LDHA: variants seen among roughly 807,000 people sequenced by gnomAD.
The protein encoded by LDHA is lactate dehydrogenase A.
LDHA carries 10 observed loss-of-function variants against 36.3 expected under a neutral mutation model. The observed-to-expected ratio is 0.28, with a 90% CI of 0.17 to 0.47. LDHA has a LOEUF of 0.47. Ranked by LOEUF, LDHA falls within the 20% of genes least tolerant of loss-of-function variation. LDHA has a pLI of 0.99. For synonymous variants in LDHA, 110 were observed against 136.7 expected, an observed-to-expected ratio of 0.80 and a Z score of 1.36; for missense variants, 267 against 405.8, an observed-to-expected ratio of 0.66 and a Z score of 2.94.
chr11:18,405,836 A>G, intron 7 of LDHA: 1 of 339,608 alleles, frequency 2.9e-6, no homozygotes, highest in South Asian at 2.7e-5. Context: ...ACTATAAAAG[A>G]AATAAACTAT....
rs978562708 is a variant in LDHA, at chr11:18,402,783, CTT to C, written c.419-52_419-51del. ...AGTGTTTTCTTCATAGTAGGTATAT[CTT>C]TTTTGTGTGTAGGGAGAGGATAATG... On this transcript the variant is annotated intron_variant, in intron 4 of 7. Transcript: ENST00000422447. The C allele has an allele frequency of 3.7e-6, 5 of 1,350,614 alleles. No homozygotes were observed. The African/African-American group carries it at 7.1e-5, about 19-fold the overall frequency. 83.7% of individuals were successfully genotyped at this position (1,350,614 alleles called of 1,614,324 possible). A position where few individuals can be genotyped will look rare whatever the true frequency, so the allele number is the denominator to read the frequency against.
intron 1 of LDHA, chr11:18,394,859 CT>C: frequency 2.8e-6 from 1 of 353,920 alleles, no homozygotes; most frequent in South Asian, 2.1e-5. Context: ...GGAACCATGG[CT>C]TCTGGCCACG....
chr11:18,395,056 G>A (rs1258519728), intron 1 of LDHA: 1 of 201,476 alleles, frequency 5.0e-6, no homozygotes, highest in Non-Finnish European at 1.0e-5. Flanking sequence ...GTCCGGGGCG[G>A]GTTCTTGAAA....
At chr11:18,405,060 A>G (rs1866635644) in intron 6 of LDHA, among the ~76,000 whole-genome samples, 1 of 152,164 alleles carries the variant, frequency 6.6e-6, no homozygotes, top group African/African-American at 2.4e-5. Context: ...ACTTGAGATA[A>G]TCCTGAGTTA....
intron 3 of LDHA, chr11:18,400,260 C>T: frequency 4.9e-6 from 1 of 202,716 alleles, no homozygotes. Flanking sequence ...TGAATGTGAG[C>T]CCAAATAGTG....
intron 1 of LDHA, 114 bp from the exon 2 acceptor site, chr11:18,396,705 C>T (rs1252267120): frequency 1.5e-6 from 2 of 1,369,208 alleles, no homozygotes. Flanking sequence ...TTAGTCATCT[C>T]TAGTGATTTA....
rs751461543 is a variant in LDHA, at chr11:18,402,814, G to A, written c.419-26G>A. 5.0e-6 allele frequency: 8 copies of A among 1,587,124 alleles called. No individual in the cohort carries two copies. The Admixed American group carries it at 1.3e-4, about 26-fold the overall frequency. On this transcript the variant is annotated intron_variant, in intron 4 of 7. Transcript: ENST00000422447. ...TGTGTGTAGGGAGAGGATAATGGGT[G>A]ATTTTTATTTTCTCCTTTTTCATAG...
At position 18,403,719 on chromosome 11, in the gene LDHA, T is replaced by C. The variant is rs1238086128; in HGVS notation, c.618T>C (p.Val206=). ...SSVPVWSGMN[V]AGVSLKTLHP... is the part of the protein sequence containing the mutation. ...TGCCTGTATGGAGTGGAATGAATGT[T>C]GCTGGTGTCTCTCTGAAGACTCTGC... The change falls in exon 6 of 8, where the codon GTT becomes GTC. Residue 206 remains valine (V), a synonymous_variant. Transcript: ENST00000422447. The C allele has an allele frequency of 6.2e-7, 1 of 1,604,120 alleles. No individual in the cohort carries two copies. The highest frequency in any genetic ancestry group is 1.3e-5 in the African/African-American group (1 of 74,874).
chr11:18,400,673 C>G (rs779709683), intron 3 of LDHA, 164 bp from the exon 4 acceptor site: 7 of 689,840 alleles, frequency 1.0e-5, no homozygotes, highest in Admixed American at 2.1e-5. Flanking sequence ...TTGACTAAAA[C>G]TACAAGGAAG....
chr11:18,395,571 GA>G (rs1866266032), intron 1 of LDHA, among the ~76,000 whole-genome samples: 1 of 152,178 alleles, frequency 6.6e-6, no homozygotes, highest in Non-Finnish European at 1.5e-5. Flanking sequence ...AGGCTGTCTA[GA>G]AATAGCAGTG....
Position 18,401,832 on chromosome 11 carries a change from T to G in LDHA, c.418+822T>G, listed in dbSNP as rs183893673. 3.0e-3 allele frequency among the ~76,000 whole-genome samples: 459 copies of G among 151,948 alleles called. 3 individuals are homozygous for G. The highest frequency in any genetic ancestry group is 9.0e-3 in the African/African-American group (374 of 41,466). ...TCTAAGGAGATTTGTGTGTGTGTGTTTTTTGTTTTTTAATAATTTTAAAAC... is the reference window on the plus strand; with the variant it reads ...TCTAAGGAGATTTGTGTGTGTGTGTGTTTTGTTTTTTAATAATTTTAAAAC... On this transcript the variant is annotated intron_variant, in intron 4 of 7. Transcript: ENST00000422447.
intron 2 of LDHA, among the ~76,000 whole-genome samples, chr11:18,398,456 G>A (rs1228898041): frequency 6.6e-6 from 1 of 151,762 alleles, no homozygotes; most frequent in East Asian, 1.9e-4. Context: ...GCAGTGGCAC[G>A]ATCTTGGCTC....
At position 18,401,473 on chromosome 11, in the gene LDHA, C is replaced by CTT. The variant is rs58157049; in HGVS notation, c.418+484_418+485dup. On this transcript the variant is annotated intron_variant, in intron 4 of 7. Transcript: ENST00000422447. The stretch of plus-strand genomic sequence containing the variant: ...CATATTTATTGATTCATTTATTTTT[C>CTT]TTTTTTTTTTTTTTTTTTTTTTGAG... Among the ~76,000 whole-genome samples, 254 of 68,574 alleles carry CTT rather than the reference C, an allele frequency of 3.7e-3. 13 individuals carry two copies. The highest frequency in any genetic ancestry group is 4.7e-3 in the African/African-American group (79 of 16,814). The allele number at this position is 68,574 out of a possible 152,430, so 45.0% of individuals were successfully genotyped here.
At chr11:18,395,754 G>A (rs1277965486) in intron 1 of LDHA, among the ~76,000 whole-genome samples, 2 of 152,216 alleles carry the variant, frequency 1.3e-5, no homozygotes, top group Non-Finnish European at 2.9e-5. Context: ...GATTAACAAG[G>A]TGGAAAGAAT....
At chr11:18,399,676 G>A in intron 3 of LDHA, 128 bp downstream of exon 3, 2 of 749,738 alleles carry the variant, frequency 2.7e-6, no homozygotes, top group Non-Finnish European at 4.8e-6. Flanking sequence ...CGAACCCTGG[G>A]CTCAAGCAAT....
In LDHA at chr11:18,408,215, A is replaced by G. The variant is rs1866774767; in HGVS notation, c.*934A>G. The G allele has an allele frequency of 2.2e-6, 1 of 453,942 alleles. No homozygotes were observed. Among genetic ancestry groups the G allele is most frequent in the South Asian group, 1.6e-5 (1 of 64,436 alleles). 28.1% of individuals were successfully genotyped at this position (453,942 alleles called of 1,614,324 possible). ...TAACAATTAAAAACAATCTTAAGGC[A>G]GGGTGCAGTGGCTCATGCCTATAAT... On this transcript the variant is annotated 3_prime_UTR_variant, in exon 8 of 8. Coordinates refer to ENST00000422447, the MANE Select transcript of LDHA (RefSeq NM_005566.4).
Position 18,408,246 on chromosome 11 carries a change from C to T in LDHA, c.*965C>T, listed in dbSNP as rs1396770432. 2 of 453,668 alleles carry T rather than the reference C, an allele frequency of 4.4e-6. No homozygotes were observed. Among genetic ancestry groups the T allele is most frequent in the Non-Finnish European group, 8.8e-6 (2 of 226,720 alleles). The allele number at this position is 453,668 out of a possible 1,614,324, so 28.1% of individuals were successfully genotyped here. A position where few individuals can be genotyped will look rare whatever the true frequency, so the allele number is the denominator to read the frequency against. ...CAGTGGCTCATGCCTATAATCCCAG[C>T]ACTTTGGGAAGCCCAGGTGGGCTGA... On this transcript the variant is annotated 3_prime_UTR_variant, in exon 8 of 8. Coordinates refer to ENST00000422447, the MANE Select transcript of LDHA (RefSeq NM_005566.4).
rs1866719004 is a variant in LDHA, at chr11:18,407,207, A to C, written c.925A>C (p.Thr309Pro). The change falls in exon 8 of 8, where the codon ACT becomes CCT. Residue 309 changes from threonine to proline, a missense_variant. Coordinates refer to ENST00000422447, the MANE Select transcript of LDHA (RefSeq NM_005566.4). ...GISDLVKVTL[T>P]SEEEARLKKS... ...CTCAGACCTTGTGAAGGTGACTCTG[A>C]CTTCTGAGGAAGAGGCCCGTTTGAA... 1 of 1,613,406 alleles carries C rather than the reference A, an allele frequency of 6.2e-7. No homozygotes were observed. Among genetic ancestry groups the C allele is most frequent in the Non-Finnish European group, 8.5e-7 (1 of 1,179,844 alleles).
Position 18,401,473 on chromosome 11 carries a change from C to CTTTTTTTTTTTTTTTTTTTTTTTT in LDHA, c.418+485_418+486insTTTTTTTTTTTTTTTTTTTTTTTT, listed in dbSNP as rs58157049. 1.6e-4 allele frequency among the ~76,000 whole-genome samples: 11 copies of CTTTTTTTTTTTTTTTTTTTTTTTT among 68,588 alleles called. 1 individual carries two copies. The highest frequency in any genetic ancestry group is 2.5e-4 in the Admixed American group (1 of 3,970). 45.0% of individuals were successfully genotyped at this position (68,588 alleles called of 152,430 possible). On this transcript the variant is annotated intron_variant, in intron 4 of 7. Transcript: ENST00000422447. ...CATATTTATTGATTCATTTATTTTT[C>CTTTTTTTTTTTTTTTTTTTTTTTT]TTTTTTTTTTTTTTTTTTTTTTGAG...
Sources: allele counts gnomAD v4.1 joint callset (sites outside exome capture counted in the v4.1 genomes callset), GRCh38; gene constraint gnomAD v4.1.1; transcripts MANE v1.5; gene names NCBI Gene and HGNC (gene_info 2026-07-23, HGNC 2026-07-21).